The following ABCD3 variants were observed in gnomAD, a reference collection of about 807,000 sequenced individuals.
ABCD3 encodes the protein ATP binding cassette subfamily D member 3, also known as ATP-binding cassette sub-family D member 3.
A neutral mutation model predicts 105.5 loss-of-function variants in ABCD3; 41 were observed. That is an observed-to-expected ratio of 0.39 (90% CI 0.30 to 0.50). ABCD3 has a LOEUF of 0.50. Among genes scored for constraint, ABCD3 ranks in the 20% least tolerant of loss-of-function variants. The probability of loss-of-function intolerance (pLI) is 0.84; values close to 1 mark genes in which losing one functional copy is unlikely to be tolerated. For missense variants in ABCD3, 622 were observed against 806.3 expected, an observed-to-expected ratio of 0.77 and a Z score of 2.77; for synonymous variants, 258 against 269.0, an observed-to-expected ratio of 0.96 and a Z score of 0.40.
intron 16 of ABCD3, among the ~76,000 whole-genome samples, chr1:94,495,299 A>G (rs563943474): frequency 2.6e-5 from 4 of 152,278 alleles, no homozygotes; most frequent in African/African-American, 9.6e-5. Context: ...TTTATTGGTA[A>G]GAATATGGTA....
the ABCD3 span, among the ~76,000 whole-genome samples, chr1:94,409,801 C>T: frequency 1.3e-5 from 2 of 152,164 alleles, 1 homozygote; most frequent in Admixed American, 1.3e-4. Flanking sequence ...TGGGGAGCAG[C>T]ATCTCAGCCT....
At chr1:94,510,705 T>C (rs1397411179) in intron 21 of ABCD3, among the ~76,000 whole-genome samples, 1 of 152,134 alleles carries the variant, frequency 6.6e-6, no homozygotes, top group East Asian at 1.9e-4. Flanking sequence ...TTAGGATAGT[T>C]AGCTCTTCTT....
At chr1:94,475,953 CTT>C (rs1005761301) in intron 7 of ABCD3, among the ~76,000 whole-genome samples, 7 of 151,956 alleles carry the variant, frequency 4.6e-5, no homozygotes, top group Admixed American at 3.9e-4. Context: ...AATTTAGTGT[CTT>C]ATAAGGATTT....
upstream of ABCD3, among the ~76,000 whole-genome samples, chr1:94,417,051 AT>A (rs1359703479): frequency 2.5e-4 from 38 of 152,342 alleles, no homozygotes; most frequent in African/African-American, 8.9e-4. Flanking sequence ...TACACATTAA[AT>A]TTGTATGCCT....
intron 13 of ABCD3, among the ~76,000 whole-genome samples, chr1:94,489,461 A>G (rs1464913342): frequency 7.2e-5 from 11 of 152,208 alleles, no homozygotes; most frequent in Middle Eastern, 3.4e-3. Context: ...AATTCTCAGC[A>G]AATAACTGCC....
Position 94,458,590 on chromosome 1 carries a change from C to CG in ABCD3, c.111-17_111-16insG. 6.2e-7 allele frequency: 1 copy of CG among 1,607,552 alleles called. No homozygotes were observed. The highest frequency in any genetic ancestry group is 1.1e-5 in the South Asian group (1 of 90,826). On this transcript the variant is annotated splice_polypyrimidine_tract_variant and intron_variant, in intron 1 of 22. Transcript: ENST00000370214. ...TCACATAAAGTAAAGCTCTCTCTCT[C>CG]TTTTTTTCCTCTGCAGTAAGAAAAG...
the ABCD3 span, among the ~76,000 whole-genome samples, chr1:94,386,367 A>G: frequency 6.6e-6 from 1 of 152,260 alleles, no homozygotes. Context: ...TCAAAAACAC[A>G]TTCTCACACT....
At chr1:94,447,725 T>G (rs894104933) in intron 1 of ABCD3, among the ~76,000 whole-genome samples, 1 of 152,320 alleles carries the variant, frequency 6.6e-6, no homozygotes, top group Non-Finnish European at 1.5e-5. Flanking sequence ...CTAGTGCTGG[T>G]TTAATTATAG....
chr1:94,518,466 C>T lies in ABCD3; in HGVS notation c.*1337C>T, dbSNP rs572776562. ...TTCAATTTTTACCACTTCTGTTTAG[C>T]GAACTTGTATACTTATTTTCTGTTC... On this transcript the variant is annotated 3_prime_UTR_variant, in exon 23 of 23. Transcript: ENST00000370214. The T allele has an allele frequency of 4.8e-5, 7 of 146,754 alleles. No homozygotes were observed. Among genetic ancestry groups the T allele is most frequent in the South Asian group, 2.2e-4 (1 of 4,636 alleles). 9.1% of individuals were successfully genotyped at this position (146,754 alleles called of 1,614,324 possible). A position where few individuals can be genotyped will look rare whatever the true frequency, so the allele number is the denominator to read the frequency against.
At chr1:94,503,886 C>CGAA (rs1251853010) in intron 20 of ABCD3, among the ~76,000 whole-genome samples, 1 of 149,526 alleles carries the variant, frequency 6.7e-6, no homozygotes, top group Non-Finnish European at 1.5e-5. Context: ...GCAACCTTCA[C>CGAA]CTCTCAGGTA....
intron 10 of ABCD3, 49 bp from the exon 11 acceptor site, chr1:94,487,493 G>GT (rs1431117134): frequency 3.2e-6 from 5 of 1,550,002 alleles, no homozygotes; most frequent in Admixed American, 1.7e-5. Flanking sequence ...AGTAGATTCA[G>GT]TTTTTTATAC....
chr1:94,503,732 A>G (rs1042442725), intron 20 of ABCD3, among the ~76,000 whole-genome samples: 3 of 151,702 alleles, frequency 2.0e-5, no homozygotes, highest in African/African-American at 7.3e-5. Context: ...CATTTATTAG[A>G]TAGTTGAATG....
chr1:94,444,687 A>C (rs1660280734), intron 1 of ABCD3, among the ~76,000 whole-genome samples: 1 of 152,008 alleles, frequency 6.6e-6, no homozygotes, highest in African/African-American at 2.4e-5. Flanking sequence ...CACCACCCCA[A>C]AGTTCAGTGG....
the ABCD3 span, among the ~76,000 whole-genome samples, chr1:94,390,368 C>A: frequency 3.1e-4 from 47 of 151,848 alleles, 1 homozygote; most frequent in Admixed American, 3.1e-3. Flanking sequence ...AGTGGTGTGA[C>A]CTGGGCTCAC....
At chr1:94,394,744 T>C in the ABCD3 span, among the ~76,000 whole-genome samples, 1 of 152,198 alleles carries the variant, frequency 6.6e-6, no homozygotes, top group African/African-American at 2.4e-5. Context: ...CCTATCGATG[T>C]TGTAACTTAG....
intron 1 of ABCD3, among the ~76,000 whole-genome samples, chr1:94,458,276 G>C (rs1032086422): frequency 6.6e-6 from 1 of 152,192 alleles, no homozygotes; most frequent in Non-Finnish European, 1.5e-5. Flanking sequence ...ATTGGCCAAA[G>C]CGGTTTACAT....
At chr1:94,465,229 T>TC (rs1405988099) in intron 3 of ABCD3, among the ~76,000 whole-genome samples, 2 of 152,142 alleles carry the variant, frequency 1.3e-5, no homozygotes, top group Non-Finnish European at 2.9e-5. Flanking sequence ...AGGCCCCACC[T>TC]CCAACACTGG....
intron 7 of ABCD3, among the ~76,000 whole-genome samples, chr1:94,476,084 C>T (rs573965256): frequency 6.6e-6 from 1 of 152,298 alleles, no homozygotes; most frequent in East Asian, 1.9e-4. Flanking sequence ...TCTAACTCCA[C>T]ACTTATAACA....
chr1:94,509,776 A>C (rs1650569883), intron 21 of ABCD3, among the ~76,000 whole-genome samples: 1 of 152,166 alleles, frequency 6.6e-6, no homozygotes, highest in Non-Finnish European at 1.5e-5. Flanking sequence ...TTATTTGCGT[A>C]GAGGTGTTTG....
Sources: gnomAD v4.1 joint callset for allele counts (sites outside exome capture counted in the v4.1 genomes callset) on GRCh38, gnomAD v4.1.1 for gene constraint, MANE v1.5 for transcripts, NCBI Gene and HGNC (gene_info 2026-07-23, HGNC 2026-07-21) for gene names.